The following DLG2 variants were observed in gnomAD, a reference collection of about 807,000 sequenced individuals.
DLG2 encodes the protein discs large MAGUK scaffold protein 2, also known as disks large homolog 2.
DLG2 carries 45 observed loss-of-function variants against 132.5 expected under a neutral mutation model. The ratio of observed to expected loss-of-function variants is 0.34; its 90% CI spans 0.27 to 0.44. DLG2 has a LOEUF of 0.44. Ranked by LOEUF, DLG2 falls within the 20% of genes least tolerant of loss-of-function variation. The pLI is 1.00. For missense variants in DLG2, 1,045 were observed against 1,196.9 expected (o/e 0.87, Z 1.87); for synonymous variants, 424 against 419.6 (o/e 1.01, Z -0.13).
chr11:85,350,256 G>GTTGT (rs2083180955), intron 3 of DLG2, among the ~76,000 whole-genome samples: 1 of 149,864 alleles, frequency 6.7e-6, no homozygotes, highest in Non-Finnish European at 1.5e-5. Context: ...TTTTGATGCA[G>GTTGT]TTGTTTTTTT....
intron 3 of DLG2, among the ~76,000 whole-genome samples, chr11:85,583,042 C>A: frequency 2.1e-5 from 2 of 96,760 alleles, no homozygotes; most frequent in African/African-American, 4.5e-5. Flanking sequence ...GAACTAGAAA[C>A]CAGGGGAAAA....
At chr11:84,733,426 G>A (rs1278783031) in intron 6 of DLG2, among the ~76,000 whole-genome samples, 1 of 152,208 alleles carries the variant, frequency 6.6e-6, no homozygotes, top group Non-Finnish European at 1.5e-5. Flanking sequence ...TCTGTTGGCT[G>A]CATAAATGTC....
intron 3 of DLG2, among the ~76,000 whole-genome samples, chr11:85,502,751 G>T (rs150680550): frequency 1.3e-5 from 2 of 152,100 alleles, no homozygotes; most frequent in Admixed American, 1.3e-4. Flanking sequence ...AAACCACCAT[G>T]GCACACATAT....
chr11:85,198,890 T>G (rs1404183321), intron 4 of DLG2, among the ~76,000 whole-genome samples: 1 of 152,184 alleles, frequency 6.6e-6, no homozygotes, highest in East Asian at 1.9e-4. Flanking sequence ...CTCCGTGCTT[T>G]TGTACCTGAT....
chr11:85,073,206 A>T (rs1393433625), intron 6 of DLG2, among the ~76,000 whole-genome samples: 2 of 151,748 alleles, frequency 1.3e-5, no homozygotes, highest in African/African-American at 4.8e-5. Context: ...CTTCTTTCTC[A>T]CCCTGTTTGA....
intron 5 of DLG2, among the ~76,000 whole-genome samples, chr11:85,121,480 T>C (rs1055948315): frequency 6.6e-6 from 1 of 151,856 alleles, no homozygotes; most frequent in Admixed American, 6.6e-5. Context: ...TGAACATGAG[T>C]TGGCATTCTT....
chr11:84,749,037 A>G (rs1022254389), intron 6 of DLG2, among the ~76,000 whole-genome samples: 1 of 152,156 alleles, frequency 6.6e-6, no homozygotes, highest in Admixed American at 6.6e-5. Flanking sequence ...AAATAACTAA[A>G]CAAATAAATG....
intron 9 of DLG2, among the ~76,000 whole-genome samples, chr11:84,136,304 C>T (rs1466776620): frequency 6.6e-6 from 1 of 152,054 alleles, no homozygotes; most frequent in African/African-American, 2.4e-5. Flanking sequence ...TCTGACCCTA[C>T]CATTTAATAA....
chr11:84,500,676 T>C lies in DLG2; in HGVS notation c.519+33894A>G, dbSNP rs552711133. On this transcript the variant is annotated intron_variant, in intron 7 of 27. Transcript: ENST00000376104. ...ATCTAGGAAGTGTCCCTGTTTTGAA[T>C]TGGAGACAAAAAAGTAGAAGATATG... 7.2e-5 allele frequency among the ~76,000 whole-genome samples: 11 copies of C among 152,250 alleles called. No individual in the cohort carries two copies. The East Asian group carries it at 1.4e-3, about 19-fold the overall frequency.
chr11:84,374,547 T>C (rs111956332), intron 7 of DLG2, among the ~76,000 whole-genome samples: 20 of 152,174 alleles, frequency 1.3e-4, no homozygotes, highest in African/African-American at 4.8e-4. Flanking sequence ...CCCAAGACAA[T>C]TCTTCTTCTT....
At chr11:84,397,457 A>G (rs1306635623) in intron 7 of DLG2, among the ~76,000 whole-genome samples, 2 of 152,180 alleles carry the variant, frequency 1.3e-5, no homozygotes, top group Non-Finnish European at 2.9e-5. Flanking sequence ...GGCACCATTC[A>G]TTGCGTTCCG....
chr11:84,747,816 G>C (rs763135998), intron 6 of DLG2, among the ~76,000 whole-genome samples: 2 of 152,126 alleles, frequency 1.3e-5, no homozygotes, highest in South Asian at 2.1e-4. Flanking sequence ...GTCATCAAAA[G>C]GTTTTTGATT....
intron 4 of DLG2, among the ~76,000 whole-genome samples, chr11:85,199,745 T>A (rs2081313232): frequency 6.6e-6 from 1 of 152,152 alleles, no homozygotes; most frequent in South Asian, 2.1e-4. Context: ...TATATAGAGT[T>A]CTAACCATGA....
intron 18 of DLG2, chr11:83,647,048 A>C (rs56364609): frequency 0.012 from 1,809 of 152,200 alleles, 69 homozygotes; most frequent in Non-Finnish European, 7.7e-3. Flanking sequence ...AGTCCAAATT[A>C]ATGATGAGGC....
At chr11:83,716,176 GT>G (rs1194821973) in intron 18 of DLG2, among the ~76,000 whole-genome samples, 4 of 152,262 alleles carry the variant, frequency 2.6e-5, no homozygotes, top group Middle Eastern at 6.8e-3. Flanking sequence ...GGAAGCACGT[GT>G]TTTTTTGTTT....
chr11:84,676,278 T>C (rs1443113078), intron 6 of DLG2, among the ~76,000 whole-genome samples: 2 of 152,116 alleles, frequency 1.3e-5, no homozygotes, highest in Non-Finnish European at 2.9e-5. Context: ...ATAGAAAGTC[T>C]GGAAACCGGA....
At chr11:84,843,495 T>C in intron 6 of DLG2, among the ~76,000 whole-genome samples, 1 of 152,046 alleles carries the variant, frequency 6.6e-6, no homozygotes, top group Middle Eastern at 3.4e-3. Flanking sequence ...ACCTCCATCA[T>C]CATCATCATT....
At chr11:85,157,684 TGAAAGTCTTATCTCCTGTAGA>T (rs2077686598) in intron 4 of DLG2, among the ~76,000 whole-genome samples, 1 of 151,880 alleles carries the variant, frequency 6.6e-6, no homozygotes, top group Non-Finnish European at 1.5e-5. Context: ...TTACCCTGAG[TGAAAGTCTTATCTCCTGTAGA>T]GAAAGATATG....
intron 6 of DLG2, chr11:84,720,378 T>C (rs1015029949): frequency 1.0e-6 from 1 of 985,358 alleles, no homozygotes; most frequent in Non-Finnish European, 1.2e-6. Flanking sequence ...ACAGTCAGGG[T>C]CCTTAACAAC....
Sources: allele counts gnomAD v4.1 joint callset (sites outside exome capture counted in the v4.1 genomes callset), GRCh38; gene constraint gnomAD v4.1.1; transcripts MANE v1.5; gene names NCBI Gene and HGNC (gene_info 2026-07-23, HGNC 2026-07-21).